Variants in KCTD8 observed in about 807,000 individuals in gnomAD.
KCTD8 encodes the protein BTB/POZ domain-containing protein KCTD8.
A neutral mutation model predicts 31.5 loss-of-function variants in KCTD8; 27 were observed. That is an observed-to-expected ratio of 0.86 (90% CI 0.63 to 1.18). KCTD8 has a LOEUF of 1.18. Among genes scored for constraint, KCTD8 ranks in the 50% most tolerant of loss-of-function variants. The pLI is 0.00. For missense variants in KCTD8, 658 were observed against 647.7 expected, an observed-to-expected ratio of 1.02 and a Z score of -0.17; for synonymous variants, 290 against 280.0, an observed-to-expected ratio of 1.04 and a Z score of -0.36.
chr4:44,421,972 G>T (rs1177950867), intron 1 of KCTD8, among the ~76,000 whole-genome samples: 1 of 151,904 alleles, frequency 6.6e-6, no homozygotes, highest in Non-Finnish European at 1.5e-5. Context: ...TCTGTGCATG[G>T]GCATTAATTA....
rs373817533 is a variant in KCTD8 at position 44,183,836 on chromosome 4, C to T, written c.962-8586G>A. Reference sequence around the variant, plus strand: ...GTATGTAAAATGTGTCTGCAACAGTCACAATTCCTAGAAGGGAAATTATCC... The same window carrying T: ...GTATGTAAAATGTGTCTGCAACAGTTACAATTCCTAGAAGGGAAATTATCC... On this transcript the variant is annotated intron_variant, in intron 1 of 1. Transcript: ENST00000360029. Among the ~76,000 whole-genome samples the T allele has an allele frequency of 6.6e-5, 10 of 152,230 alleles. No individual in the cohort carries two copies. The East Asian group carries it at 1.5e-3, about 23-fold the overall frequency.
At chr4:44,242,378 A>G (rs1715528258) in intron 1 of KCTD8, among the ~76,000 whole-genome samples, 1 of 152,098 alleles carries the variant, frequency 6.6e-6, no homozygotes, top group Non-Finnish European at 1.5e-5. Context: ...GGAGATCGAG[A>G]CCATCCTGGC....
At chr4:44,397,163 A>C (rs1720525962) in intron 1 of KCTD8, among the ~76,000 whole-genome samples, 1 of 152,202 alleles carries the variant, frequency 6.6e-6, no homozygotes, top group Admixed American at 6.6e-5. Context: ...TGTACCTAAC[A>C]TAAAGATACC....
intron 1 of KCTD8, among the ~76,000 whole-genome samples, chr4:44,414,401 T>A (rs1721025892): frequency 1.3e-5 from 2 of 152,162 alleles, no homozygotes; most frequent in South Asian, 4.1e-4. Flanking sequence ...AGACTTCCAA[T>A]GACCAATTGA....
rs576573819 is a variant in KCTD8 at position 44,314,593 on chromosome 4, T to C, written c.961+132970A>G. On this transcript the variant is annotated intron_variant, in intron 1 of 1. Transcript: ENST00000360029. ...ACACAATCTAAATCACAAAAAGACA[T>C]TAGTAACATTTTTATGGATATCTCA... Among the ~76,000 whole-genome samples the C allele has an allele frequency of 6.6e-5, 10 of 152,222 alleles. No individual in the cohort carries two copies. The East Asian group carries it at 1.9e-3, about 29-fold the overall frequency.
At chr4:44,208,074 A>G (rs1714371232) in intron 1 of KCTD8, among the ~76,000 whole-genome samples, 2 of 152,234 alleles carry the variant, frequency 1.3e-5, no homozygotes, top group African/African-American at 2.4e-5. Context: ...AGGCTAAGAA[A>G]CCCTATGTCC....
chr4:44,440,936 T>C (rs1239539570), intron 1 of KCTD8, among the ~76,000 whole-genome samples: 1 of 152,182 alleles, frequency 6.6e-6, no homozygotes, highest in Non-Finnish European at 1.5e-5. Context: ...GGGAATAAAC[T>C]TATAAATGAT....
At chr4:44,237,816 T>G (rs756794630) in intron 1 of KCTD8, among the ~76,000 whole-genome samples, 1 of 152,162 alleles carries the variant, frequency 6.6e-6, no homozygotes, top group Non-Finnish European at 1.5e-5. Context: ...GTGAGATGAC[T>G]CATTAAATAA....
chr4:44,177,068 C>T (rs944712707), intron 1 of KCTD8, among the ~76,000 whole-genome samples: 1 of 152,132 alleles, frequency 6.6e-6, no homozygotes, highest in African/African-American at 2.4e-5. Context: ...TGTTTTAAGC[C>T]TCTCTCTGTC....
At chr4:44,182,613 A>G (rs953776989) in intron 1 of KCTD8, among the ~76,000 whole-genome samples, 1 of 152,034 alleles carries the variant, frequency 6.6e-6, no homozygotes, top group African/African-American at 2.4e-5. Flanking sequence ...AGTCATCAGC[A>G]CTCCCTAATC....
At chr4:44,365,547 T>C (rs1418454491) in intron 1 of KCTD8, among the ~76,000 whole-genome samples, 2 of 151,914 alleles carry the variant, frequency 1.3e-5, no homozygotes, top group East Asian at 3.9e-4. Context: ...AAAAACAAGG[T>C]AAATGAAAAC....
intron 1 of KCTD8, among the ~76,000 whole-genome samples, chr4:44,227,406 T>C (rs1714998424): frequency 6.6e-6 from 1 of 152,210 alleles, no homozygotes; most frequent in South Asian, 2.1e-4. Flanking sequence ...TATATATCTG[T>C]TTTGGTACCA....
At chr4:44,401,391 C>A (rs1172221966) in intron 1 of KCTD8, among the ~76,000 whole-genome samples, 3 of 152,082 alleles carry the variant, frequency 2.0e-5, no homozygotes, top group African/African-American at 4.8e-5. Context: ...CTGTCACTGA[C>A]TCACTGTCAA....
intron 1 of KCTD8, among the ~76,000 whole-genome samples, chr4:44,329,899 T>C (rs1054856014): frequency 6.6e-6 from 1 of 151,924 alleles, no homozygotes; most frequent in African/African-American, 2.4e-5. Context: ...ACAGTAAATG[T>C]AACTCTGACT....
Position 44,371,556 on chromosome 4 carries a change from G to T in KCTD8, c.961+76007C>A, listed in dbSNP as rs187434496. 5.1e-3 allele frequency among the ~76,000 whole-genome samples: 783 copies of T among 152,242 alleles called. 9 individuals carry two copies. The highest frequency in any genetic ancestry group is 0.017 in the African/African-American group (723 of 41,544). ...AGTCGTTAAAAGTATATTATCAAAG[G>T]ATATTGAAAGCATTGGAGGCTATTC... On this transcript the variant is annotated intron_variant, in intron 1 of 1. Transcript: ENST00000360029.
At chr4:44,184,762 T>G (rs1713530415) in intron 1 of KCTD8, among the ~76,000 whole-genome samples, 2 of 152,200 alleles carry the variant, frequency 1.3e-5, no homozygotes, top group Admixed American at 1.3e-4. Context: ...GTTTACCATC[T>G]TTCAGGTTAG....
At chr4:44,361,295 G>C (rs568508067) in intron 1 of KCTD8, among the ~76,000 whole-genome samples, 1 of 151,910 alleles carries the variant, frequency 6.6e-6, no homozygotes, top group Non-Finnish European at 1.5e-5. Flanking sequence ...TACTAGACAC[G>C]TTAAGAAGTC....
At position 44,271,507 on chromosome 4, in the gene KCTD8, T is replaced by A. The variant is rs562667699; in HGVS notation, c.962-96257A>T. ...GCCCCCAAATCTGCCCATAAACTGG[T>A]CCCAAAACTGGCCATAAACAAAATC... On this transcript the variant is annotated intron_variant, in intron 1 of 1. Coordinates refer to ENST00000360029, the MANE Select transcript of KCTD8 (RefSeq NM_198353.3). 3.9e-5 allele frequency among the ~76,000 whole-genome samples: 6 copies of A among 152,172 alleles called. No individual in the cohort carries two copies. The South Asian group carries it at 8.3e-4, about 21-fold the overall frequency.
intron 1 of KCTD8, among the ~76,000 whole-genome samples, chr4:44,266,394 C>G (rs562294456): frequency 1.3e-5 from 2 of 152,130 alleles, no homozygotes; most frequent in African/African-American, 4.8e-5. Context: ...CTGAAGGAAG[C>G]AGTAAACATG....
Sources: gnomAD v4.1 joint callset for allele counts (sites outside exome capture counted in the v4.1 genomes callset) on GRCh38, gnomAD v4.1.1 for gene constraint, MANE v1.5 for transcripts, NCBI Gene and HGNC (gene_info 2026-07-23, HGNC 2026-07-21) for gene names.